The following CHAF1A variants were observed in gnomAD, a reference collection of about 807,000 sequenced individuals.
CHAF1A encodes the protein chromatin assembly factor 1 subunit A.
CHAF1A carries 5 observed loss-of-function variants against 93.2 expected under a neutral mutation model. That is an observed-to-expected ratio of 0.05 (90% confidence interval 0.03 to 0.11). The LOEUF (loss-of-function observed/expected upper bound fraction) is 0.11, where lower values mean the gene tolerates loss of function less well. Ranked by LOEUF, CHAF1A falls within the 10% of genes least tolerant of loss-of-function variation. CHAF1A has a pLI of 1.00. For synonymous variants in CHAF1A, 504 were observed against 510.3 expected, an observed-to-expected ratio of 0.99 and a Z score of 0.17; for missense variants, 1,102 against 1,259.9, an observed-to-expected ratio of 0.87 and a Z score of 1.90.
At chr19:4,405,161 C>T (rs191105845) in intron 1 of CHAF1A, among the ~76,000 whole-genome samples, 2 of 152,276 alleles carry the variant, frequency 1.3e-5, no homozygotes, top group African/African-American at 2.4e-5. Context: ...CTGATTTATT[C>T]CAGACCCTAA....
Position 4,432,951 on chromosome 19 carries a change from C to T in CHAF1A, c.2204-119C>T, listed in dbSNP as rs572251297. On this transcript the variant is annotated intron_variant, in intron 12 of 14. Transcript: ENST00000301280. ...CCGCCCTCATGAGGCCACCTATCCC[C>T]GAAGCTGGCCATGCCCCAAGCCTCG... 156 of 786,992 alleles carry T rather than the reference C, an allele frequency of 2.0e-4. 1 individual carries two copies. Among genetic ancestry groups the T allele is most frequent in the East Asian group, 1.2e-3 (45 of 36,878 alleles). 48.8% of individuals were successfully genotyped at this position (786,992 alleles called of 1,614,324 possible).
rs139750755 is a variant in CHAF1A at position 4,403,249 on chromosome 19, G to A, written c.52+435G>A. Among the ~76,000 whole-genome samples, 484 of 152,318 alleles carry A rather than the reference G, an allele frequency of 3.2e-3. 7 individuals are homozygous for A. Among genetic ancestry groups the A allele is most frequent in the African/African-American group, 0.011 (466 of 41,578 alleles). On this transcript the variant is annotated intron_variant, in intron 1 of 14. Transcript: ENST00000301280. Reference sequence around the variant, plus strand: ...GGGACCAGTACCGATGCCGCTGAGGGTCGGGGTAAGCCCGGGTAAGAAGAG... The same window carrying A: ...GGGACCAGTACCGATGCCGCTGAGGATCGGGGTAAGCCCGGGTAAGAAGAG...
chr19:4,447,610 G>A (rs763312462), downstream of CHAF1A: 3 of 1,613,818 alleles, frequency 1.9e-6, no homozygotes, highest in Non-Finnish European at 2.5e-6. Context: ...GGTGCAGGTG[G>A]ATGTTGTCCA....
In CHAF1A at chr19:4,422,661, CAAG is replaced by C. The variant is rs749727242; in HGVS notation, c.1123_1125del (p.Lys375del). 5 of 1,607,040 alleles carry C rather than the reference CAAG, an allele frequency of 3.1e-6. No individual in the cohort carries two copies. The highest frequency in any genetic ancestry group is 3.4e-6 in the Non-Finnish European group (4 of 1,176,844). On this transcript the variant is annotated inframe_deletion, in exon 5 of 15. Coordinates refer to ENST00000301280, the MANE Select transcript of CHAF1A (RefSeq NM_005483.3). The surrounding 1 kb of genome is among the most constrained non-coding windows in gnomAD (Gnocchi z 4.6). Reference sequence around the variant, plus strand: ...AGGCCAAGCGGGCCAAGGAGGAGGCCAAGAAGAAGAAGGAGGAAGAGAAGGAGC... The same window carrying C: ...AGGCCAAGCGGGCCAAGGAGGAGGCCAAGAAGAAGGAGGAAGAGAAGGAGC...
At chr19:4,450,777 AAAAAAAAAAG>A in the CHAF1A span, 1 of 150,602 alleles carries the variant, frequency 6.6e-6, no homozygotes, top group Non-Finnish European at 1.5e-5. Flanking sequence ...AAAAAAAAAA[AAAAAAAAAAG>A]AGTGCCTACA....
In CHAF1A at chr19:4,428,714, C is replaced by T; in HGVS notation, c.1428C>T (p.His476=). 1.2e-6 allele frequency: 2 copies of T among 1,614,218 alleles called. No individual in the cohort carries two copies. Among genetic ancestry groups the T allele is most frequent in the Non-Finnish European group, 1.7e-6 (2 of 1,180,040 alleles). ...TTGCCCCCTTTGAAATTAAAGAGCA[C>T]ATGGTCCTGGCCCCTCGGCGTCGGA... ...GKFAPFEIKE[H]MVLAPRRRTA... Residue 476 remains histidine, a synonymous_variant, in exon 8 of 15, where the codon CAC becomes CAT. Coordinates refer to ENST00000301280, the MANE Select transcript of CHAF1A (RefSeq NM_005483.3).
At chr19:4,440,030 C>T (rs954883970) in intron 13 of CHAF1A, among the ~76,000 whole-genome samples, 2 of 152,156 alleles carry the variant, frequency 1.3e-5, no homozygotes, top group African/African-American at 4.8e-5. Flanking sequence ...CGGTAGGAAC[C>T]CAGTCTGCCT....
chr19:4,436,032 G>C (rs1246775141), intron 13 of CHAF1A, among the ~76,000 whole-genome samples: 1 of 152,072 alleles, frequency 6.6e-6, no homozygotes, highest in Admixed American at 6.6e-5. Flanking sequence ...TCAGCTACTC[G>C]GGAGGTTGAG....
At chr19:4,420,081 A>G (rs1973964039) in intron 4 of CHAF1A, among the ~76,000 whole-genome samples, 1 of 152,102 alleles carries the variant, frequency 6.6e-6, no homozygotes, top group Non-Finnish European at 1.5e-5. Flanking sequence ...CCAGAGATGT[A>G]TTGGAACACA....
downstream of CHAF1A, chr19:4,446,798 G>A (rs367993303): frequency 4.1e-5 from 66 of 1,613,624 alleles, no homozygotes; most frequent in African/African-American, 4.8e-4. Flanking sequence ...GAGGCCCCTC[G>A]TCCCCATTCC....
rs374538731 is a variant in CHAF1A, at chr19:4,433,153, C to T, written c.2287C>T (p.Arg763Trp). ...CCGGGAGTTCCAGGAGCACTGCCGC[C>T]GGGGACTGCTCAGCAACCACACCGG... ...IIREFQEHCRRGLLSNHTGSP... is the reference protein window; with the variant it reads ...IIREFQEHCRWGLLSNHTGSP... The change falls in exon 13 of 15, where the codon CGG (arginine) becomes TGG (tryptophan). Residue 763 changes from arginine to tryptophan, a missense_variant. Physicochemically the swap from Arg to Trp is moderately radical, Grantham distance 101. This residue lies in a region of CHAF1A where 335 missense variants were observed against 361.9 expected (regional missense o/e 0.93). Coordinates refer to ENST00000301280, the MANE Select transcript of CHAF1A (RefSeq NM_005483.3). This position sits in a 1 kb window ranked among gnomAD's most constrained non-coding sequence, Gnocchi z 5.6. The T allele has an allele frequency of 3.9e-5, 63 of 1,613,352 alleles. No homozygotes were observed. Among genetic ancestry groups the T allele is most frequent in the African/African-American group, 6.7e-5 (5 of 74,928 alleles).
chr19:4,433,034 C>A lies in CHAF1A; in HGVS notation c.2204-36C>A. On this transcript the variant is annotated intron_variant, in intron 12 of 14. Transcript: ENST00000301280. The surrounding 1 kb of genome is among the most constrained non-coding windows in gnomAD (Gnocchi z 5.6). The stretch of plus-strand genomic sequence containing the variant: ...TTGGCCTGTGGTGATGGGTGGCTCC[C>A]CAAGCCTCATGCCCACCCATGTTCC... 6.8e-7 allele frequency: 1 copy of A among 1,479,860 alleles called. No homozygotes were observed. The highest frequency in any genetic ancestry group is 1.3e-5 in the South Asian group (1 of 77,076). 91.7% of individuals were successfully genotyped at this position (1,479,860 alleles called of 1,614,324 possible).
At chr19:4,438,699 G>C (rs901758864) in intron 13 of CHAF1A, among the ~76,000 whole-genome samples, 118 of 152,282 alleles carry the variant, frequency 7.7e-4, no homozygotes, top group Middle Eastern at 3.4e-3. Flanking sequence ...AAGAAGCATA[G>C]ATGGCCGGGT....
intron 3 of CHAF1A, among the ~76,000 whole-genome samples, chr19:4,411,644 C>CTTTTTTTTTTTTTGTTTTT (rs1973802654): frequency 2.1e-5 from 1 of 48,204 alleles, no homozygotes; most frequent in African/African-American, 7.9e-5. Flanking sequence ...TGGTGCAAAT[C>CTTTTTTTTTTTTTGTTTTT]TTTTTTTTTT....
chr19:4,409,706 C>A lies in CHAF1A; in HGVS notation c.907C>A (p.Pro303Thr). 1.2e-6 allele frequency: 2 copies of A among 1,614,134 alleles called. No homozygotes were observed. The highest frequency in any genetic ancestry group is 2.2e-5 in the South Asian group (2 of 91,076). ...TSSPEGPPAP[P>T]KQHSSTSPFP... ...CTCGCCCGAGGGGCCGCCTGCTCCC[C>A]CAAAGCAGCACAGCAGTACCAGTCC... The change falls in exon 3 of 15, where the codon CCA becomes ACA. Residue 303 changes from proline to threonine, a missense_variant. Pro to Thr is a conservative substitution (Grantham distance 38, BLOSUM62 -1). Transcript: ENST00000301280.
intron 2 of CHAF1A, among the ~76,000 whole-genome samples, chr19:4,406,228 C>G (rs1014266610): frequency 2.0e-5 from 3 of 152,204 alleles, no homozygotes; most frequent in African/African-American, 7.2e-5. Context: ...AGCAGCATCC[C>G]TGGCCTCTTC....
At chr19:4,417,743 T>C (rs999026978) in intron 3 of CHAF1A, among the ~76,000 whole-genome samples, 1 of 152,108 alleles carries the variant, frequency 6.6e-6, no homozygotes, top group African/African-American at 2.4e-5. Flanking sequence ...TTACAGGCGT[T>C]AGCCACCGCG....
At chr19:4,442,487 A>T (rs1402381614) in intron 14 of CHAF1A, 146 bp downstream of exon 14, 7 of 712,084 alleles carry the variant, frequency 9.8e-6, no homozygotes, top group Admixed American at 4.7e-5. Flanking sequence ...CTGCCCTGCC[A>T]CATCCTCGGG....
chr19:4,448,231 G>A (rs1974579619), downstream of CHAF1A: 1 of 1,227,200 alleles, frequency 8.1e-7, no homozygotes, highest in Admixed American at 2.0e-5. Flanking sequence ...CAGGTAATGA[G>A]GGGGCCAGAG....
Sources: allele counts gnomAD v4.1 joint callset (sites outside exome capture counted in the v4.1 genomes callset), GRCh38; gene constraint gnomAD v4.1.1; regional missense constraint gnomAD v4.1.1; non-coding constraint Gnocchi (gnomAD v3.1); transcripts MANE v1.5; gene names NCBI Gene and HGNC (gene_info 2026-07-23, HGNC 2026-07-21).